The following CNTNAP4 variants were observed in gnomAD, a reference collection of about 807,000 sequenced individuals.
CNTNAP4 encodes the protein contactin associated protein family member 4.
In CNTNAP4, 98 loss-of-function variants were observed where a neutral mutation model predicts 148.4. That is an observed-to-expected ratio of 0.66 (90% confidence interval 0.56 to 0.78). The LOEUF is 0.78. CNTNAP4 is among the 30% of genes least tolerant of loss of function. The pLI, the probability that CNTNAP4 is intolerant of heterozygous loss-of-function variation, is 0.00. For synonymous variants in CNTNAP4, 730 were observed against 565.1 expected (o/e 1.29, Z -4.14); for missense variants, 1,935 against 1,565.6 (o/e 1.24, Z -3.98).
intron 1 of CNTNAP4, among the ~76,000 whole-genome samples, chr16:76,309,256 G>T (rs771283377): frequency 6.6e-6 from 1 of 152,042 alleles, no homozygotes; most frequent in Non-Finnish European, 1.5e-5. Context: ...CTGGGGGAAA[G>T]CTCCAGGGTA....
intron 4 of CNTNAP4, among the ~76,000 whole-genome samples, chr16:76,433,279 G>T (rs1351704144): frequency 1.3e-5 from 2 of 152,130 alleles, no homozygotes; most frequent in African/African-American, 2.4e-5. Context: ...AGGAATAAAG[G>T]TTAGCCTACC....
intron 10 of CNTNAP4, among the ~76,000 whole-genome samples, chr16:76,470,769 C>G (rs965747379): frequency 6.6e-6 from 1 of 152,010 alleles, no homozygotes; most frequent in Non-Finnish European, 1.5e-5. Flanking sequence ...TAAGTTGGCT[C>G]AAACCTACAG....
intron 1 of CNTNAP4, among the ~76,000 whole-genome samples, chr16:76,306,116 A>C (rs1810045036): frequency 6.6e-6 from 1 of 152,194 alleles, no homozygotes; most frequent in Non-Finnish European, 1.5e-5. Context: ...TATGGTGATG[A>C]ATATATGAAT....
At chr16:76,373,321 G>A (rs28507210) in intron 3 of CNTNAP4, among the ~76,000 whole-genome samples, 51,554 of 118,032 alleles carry the variant, frequency 0.44, 15,176 homozygotes, top group African/African-American at 0.57. Flanking sequence ...AATATGTGGA[G>A]TATATTTCAC....
rs951533006 is a variant in CNTNAP4, at chr16:76,482,682, C to T, written c.1882+3144C>T. ...GTCTCACAACCATTGAGGACATTGC[C>T]TCATACACCAAAACAGCCCAAACAA... On this transcript the variant is annotated intron_variant, in intron 12 of 23. Transcript: ENST00000611870. Among the ~76,000 whole-genome samples the T allele has an allele frequency of 5.3e-5, 8 of 152,124 alleles. No individual in the cohort carries two copies. In the East Asian group the frequency reaches 1.5e-3, roughly 29 times the overall value.
intron 13 of CNTNAP4, among the ~76,000 whole-genome samples, chr16:76,490,995 A>G (rs958674263): frequency 2.0e-5 from 3 of 151,964 alleles, no homozygotes; most frequent in African/African-American, 7.3e-5. Context: ...AGCATATGTC[A>G]TAAAGATCAT....
chr16:76,349,968 C>G (rs1340344612), intron 2 of CNTNAP4, among the ~76,000 whole-genome samples: 20 of 152,120 alleles, frequency 1.3e-4, no homozygotes, highest in Non-Finnish European at 2.9e-5. Flanking sequence ...AAAGCTCCAA[C>G]TAAGAGTATT....
intron 21 of CNTNAP4, among the ~76,000 whole-genome samples, chr16:76,547,752 C>T (rs145629719): frequency 6.7e-4 from 102 of 152,138 alleles, no homozygotes; most frequent in African/African-American, 2.2e-3. Flanking sequence ...CTTTGGAGTC[C>T]GCAGAGCTCA....
intron 1 of CNTNAP4, among the ~76,000 whole-genome samples, chr16:76,309,198 G>A (rs1960821696): frequency 6.6e-6 from 1 of 152,008 alleles, no homozygotes; most frequent in African/African-American, 2.4e-5. Context: ...CTTTTTTGGT[G>A]TTGAGTGTAG....
chr16:76,389,262 C>T (rs2016756387), intron 3 of CNTNAP4, among the ~76,000 whole-genome samples: 2 of 152,266 alleles, frequency 1.3e-5, no homozygotes, highest in South Asian at 2.1e-4. Flanking sequence ...AAGTACGTGT[C>T]CTGACTCATA....
Position 76,524,773 on chromosome 16 carries a change from T to C in CNTNAP4, c.2755+2516T>C, listed in dbSNP as rs139555480. Among the ~76,000 whole-genome samples, 30 of 152,216 alleles carry C rather than the reference T, an allele frequency of 2.0e-4. 1 individual carries two copies. In the East Asian group the frequency reaches 5.2e-3, roughly 26 times the overall value. The stretch of plus-strand genomic sequence containing the variant: ...GGATGGGTGTTATTCCAATGTTGTA[T>C]AAAAAATAACTGTTGATTATATTTA... On this transcript the variant is annotated intron_variant, in intron 17 of 23. Transcript: ENST00000611870.
In CNTNAP4 at chr16:76,298,272, TA is replaced by T. The variant is rs1203213955; in HGVS notation, c.86-18140del. The stretch of plus-strand genomic sequence containing the variant: ...AGCTGATAATCTCAGTGAACCTGAA[TA>T]GAACTGTGTGTTTAATCAAAATGTA... On this transcript the variant is annotated intron_variant, in intron 1 of 23. Coordinates refer to ENST00000611870, the MANE Select transcript of CNTNAP4 (RefSeq NM_033401.5). Among the ~76,000 whole-genome samples the T allele has an allele frequency of 7.9e-5, 12 of 152,346 alleles. No individual in the cohort carries two copies. The South Asian group carries it at 1.4e-3, about 18-fold the overall frequency.
At chr16:76,503,797 C>A (rs1038360902) in intron 15 of CNTNAP4, among the ~76,000 whole-genome samples, 1 of 150,874 alleles carries the variant, frequency 6.6e-6, no homozygotes, top group Non-Finnish European at 1.5e-5. Context: ...TTTGTCTTTG[C>A]GATAGTTTGC....
At chr16:76,489,232 T>A (rs1364605107) in intron 12 of CNTNAP4, among the ~76,000 whole-genome samples, 3 of 152,194 alleles carry the variant, frequency 2.0e-5, no homozygotes, top group Non-Finnish European at 4.4e-5. Flanking sequence ...TATACATTTT[T>A]TTAAATATTG....
chr16:76,466,653 A>G (rs1464011947), intron 9 of CNTNAP4, among the ~76,000 whole-genome samples: 3 of 152,078 alleles, frequency 2.0e-5, no homozygotes, highest in Non-Finnish European at 4.4e-5. Flanking sequence ...AATAATGGTT[A>G]ATATTATATT....
intron 1 of CNTNAP4, among the ~76,000 whole-genome samples, chr16:76,282,492 C>CAACT (rs1958725446): frequency 6.6e-6 from 1 of 151,816 alleles, no homozygotes; most frequent in Non-Finnish European, 1.5e-5. Flanking sequence ...TCTTAATCAG[C>CAACT]AACTTACATT....
chr16:76,553,566 C>T (rs540040741), intron 22 of CNTNAP4, 65 bp downstream of exon 22: 9 of 1,188,042 alleles, frequency 7.6e-6, no homozygotes, highest in African/African-American at 6.1e-5. Flanking sequence ...TAGAAAACTT[C>T]TCATGTGGCT....
chr16:76,557,524 T>C (rs1209728646), intron 23 of CNTNAP4: 1 of 152,202 alleles, frequency 6.6e-6, no homozygotes, highest in Non-Finnish European at 1.5e-5. Flanking sequence ...AGGGTCAAGA[T>C]TTAATTAAAT....
At chr16:76,467,770 G>A (rs554402961) in intron 10 of CNTNAP4, among the ~76,000 whole-genome samples, 4 of 152,206 alleles carry the variant, frequency 2.6e-5, no homozygotes, top group South Asian at 4.2e-4. Flanking sequence ...CTACCAGTTC[G>A]CCAAAGATAA....
Sources: allele counts gnomAD v4.1 joint callset (sites outside exome capture counted in the v4.1 genomes callset), GRCh38; gene constraint gnomAD v4.1.1; transcripts MANE v1.5; gene names NCBI Gene and HGNC (gene_info 2026-07-23, HGNC 2026-07-21).